Variants in SLC22A9 observed in about 807,000 individuals in gnomAD.
SLC22A9 encodes solute carrier family 22 member 9, also known as organic anion transporter 7.
In SLC22A9, 64 loss-of-function variants were observed where a neutral mutation model predicts 50.1. That is an observed-to-expected ratio of 1.28 (90% CI 1.04 to 1.57). SLC22A9 has a LOEUF of 1.57. Among genes scored for constraint, SLC22A9 ranks in the 40% most tolerant of loss-of-function variants. The pLI is 0.00. For synonymous variants in SLC22A9, 261 were observed against 242.5 expected (o/e 1.08, Z -0.71); for missense variants, 757 against 676.1 (o/e 1.12, Z -1.33).
chr11:63,403,673 T>C (rs543869387), intron 6 of SLC22A9, among the ~76,000 whole-genome samples: 183 of 152,084 alleles, frequency 1.2e-3, no homozygotes, highest in South Asian at 3.1e-3. Flanking sequence ...GTCCTTGAAA[T>C]TCTAACAAGA....
chr11:63,396,945 G>A (rs929561349), intron 6 of SLC22A9, among the ~76,000 whole-genome samples: 1 of 152,072 alleles, frequency 6.6e-6, no homozygotes, highest in South Asian at 2.1e-4. Context: ...CAGTGTCTGG[G>A]CACTGAAAAC....
intron 6 of SLC22A9, among the ~76,000 whole-genome samples, chr11:63,392,897 T>G (rs186962569): frequency 8.5e-5 from 13 of 152,096 alleles, no homozygotes; most frequent in Admixed American, 8.5e-4. Flanking sequence ...ATTTTCCAAT[T>G]TCTTGATCTG....
At chr11:63,396,667 T>G (rs1389600998) in intron 6 of SLC22A9, among the ~76,000 whole-genome samples, 1 of 152,206 alleles carries the variant, frequency 6.6e-6, no homozygotes, top group Non-Finnish European at 1.5e-5. Flanking sequence ...CTCCAAACAC[T>G]GCACTTCAAT....
intron 2 of SLC22A9, among the ~76,000 whole-genome samples, chr11:63,372,484 A>T (rs561753773): frequency 6.6e-6 from 1 of 152,284 alleles, no homozygotes; most frequent in Admixed American, 6.5e-5. Flanking sequence ...AAAAGATTAC[A>T]TACTATAGTG....
At chr11:63,377,275 C>T (rs1008829002) in intron 5 of SLC22A9, among the ~76,000 whole-genome samples, 1 of 152,034 alleles carries the variant, frequency 6.6e-6, no homozygotes, top group Non-Finnish European at 1.5e-5. Context: ...GACACATGCT[C>T]TCAAATTGAC....
At position 63,374,840 on chromosome 11, in the gene SLC22A9, G is replaced by GAAAGAGCT. The variant is rs564324746; in HGVS notation, c.830+779_830+786dup. Among the ~76,000 whole-genome samples the GAAAGAGCT allele has an allele frequency of 4.8e-3, 732 of 152,170 alleles. 9 individuals are homozygous for GAAAGAGCT. Among genetic ancestry groups the GAAAGAGCT allele is most frequent in the African/African-American group, 0.017 (696 of 41,524 alleles). ...AAATTTACTTTCATAACTATCTAAA[G>GAAAGAGCT]AAAGAGCTGCATGGTTTCTTCAATT... is the stretch of plus-strand genomic sequence containing the variant. On this transcript the variant is annotated intron_variant, in intron 4 of 9. Transcript: ENST00000279178.
intron 2 of SLC22A9, among the ~76,000 whole-genome samples, chr11:63,372,288 A>C (rs2119860356): frequency 6.6e-6 from 1 of 151,968 alleles, no homozygotes; most frequent in South Asian, 2.1e-4. Context: ...TTGTTTTGGA[A>C]TAACTCACTC....
At chr11:63,379,267 G>A (rs946432786) in intron 5 of SLC22A9, among the ~76,000 whole-genome samples, 1 of 152,042 alleles carries the variant, frequency 6.6e-6, no homozygotes, top group African/African-American at 2.4e-5. Flanking sequence ...CAAGCAATGG[G>A]GAAAGGATTC....
At chr11:63,373,121 TC>T (rs2014392950) in intron 2 of SLC22A9, among the ~76,000 whole-genome samples, 1 of 135,966 alleles carries the variant, frequency 7.4e-6, no homozygotes, top group Non-Finnish European at 1.6e-5. Context: ...TTCTTTTTTT[TC>T]CTTTTTTTTT....
chr11:63,396,343 G>T (rs759239420), intron 6 of SLC22A9, among the ~76,000 whole-genome samples: 6 of 152,178 alleles, frequency 3.9e-5, no homozygotes, highest in Non-Finnish European at 8.8e-5. Flanking sequence ...CTGGCATGGG[G>T]GCCTAGCAAG....
At chr11:63,387,825 A>C (rs1337352053) in intron 6 of SLC22A9, among the ~76,000 whole-genome samples, 1 of 151,934 alleles carries the variant, frequency 6.6e-6, no homozygotes, top group East Asian at 1.9e-4. Flanking sequence ...TCAATTTCTT[A>C]CATTAATGTT....
chr11:63,408,052 T>C, intron 7 of SLC22A9, 60 bp from the exon 8 acceptor site: 1 of 1,378,044 alleles, frequency 7.3e-7, no homozygotes, highest in Non-Finnish European at 1.0e-6. Flanking sequence ...ACTTCTACCT[T>C]GGGGATGCTG....
chr11:63,386,434 C>CTTAT (rs2014668808), intron 6 of SLC22A9, among the ~76,000 whole-genome samples: 1 of 33,494 alleles, frequency 3.0e-5, no homozygotes, highest in African/African-American at 1.8e-4. Flanking sequence ...TGGACCTGGA[C>CTTAT]TTTTTTTTTT....
chr11:63,401,626 C>T (rs1412776637), intron 6 of SLC22A9, among the ~76,000 whole-genome samples: 1 of 151,760 alleles, frequency 6.6e-6, no homozygotes, highest in Non-Finnish European at 1.5e-5. Flanking sequence ...TTTTTTAGTC[C>T]TAAAAGTTAC....
At chr11:63,387,809 T>A (rs1354796105) in intron 6 of SLC22A9, among the ~76,000 whole-genome samples, 2 of 152,052 alleles carry the variant, frequency 1.3e-5, no homozygotes, top group African/African-American at 4.8e-5. Flanking sequence ...CCATTTTTAA[T>A]CCTCTTCAAT....
At chr11:63,393,485 G>A (rs952884676) in intron 6 of SLC22A9, among the ~76,000 whole-genome samples, 3 of 152,042 alleles carry the variant, frequency 2.0e-5, no homozygotes, top group African/African-American at 7.2e-5. Context: ...GTGAGAGTGG[G>A]CATCCTTGTC....
chr11:63,378,104 A>G lies in SLC22A9; in HGVS notation c.954+2336A>G, dbSNP rs187876293. 2.0e-3 allele frequency among the ~76,000 whole-genome samples: 297 copies of G among 152,134 alleles called. 1 individual carries two copies. Among genetic ancestry groups the G allele is most frequent in the African/African-American group, 6.7e-3 (277 of 41,480 alleles). On this transcript the variant is annotated intron_variant, in intron 5 of 9. Coordinates refer to ENST00000279178, the MANE Select transcript of SLC22A9 (RefSeq NM_080866.3). ...CCTGGGCCACATGGATTCACAGCTA[A>G]ATTCTACCAGACATGTAAAGAAGAG... is the stretch of plus-strand genomic sequence containing the variant.
At chr11:63,380,822 G>T (rs1216741419) in intron 5 of SLC22A9, among the ~76,000 whole-genome samples, 4 of 152,058 alleles carry the variant, frequency 2.6e-5, no homozygotes, top group Non-Finnish European at 5.9e-5. Flanking sequence ...ATTTATCCAT[G>T]TAACAAACCT....
intron 5 of SLC22A9, among the ~76,000 whole-genome samples, chr11:63,379,215 A>G (rs1036537242): frequency 6.6e-6 from 1 of 152,176 alleles, no homozygotes; most frequent in Non-Finnish European, 1.5e-5. Flanking sequence ...AAATAATGCC[A>G]TACCTCTACA....
Sources: allele counts gnomAD v4.1 joint callset (sites outside exome capture counted in the v4.1 genomes callset), GRCh38; gene constraint gnomAD v4.1.1; transcripts MANE v1.5; gene names NCBI Gene and HGNC (gene_info 2026-07-23, HGNC 2026-07-21).